TMEM248: variants seen among roughly 807,000 people sequenced by gnomAD.
TMEM248 encodes the protein UPF0458 protein C7orf42.
TMEM248 carries 9 observed loss-of-function variants against 30.3 expected under a neutral mutation model. The ratio of observed to expected loss-of-function variants is 0.30; its 90% confidence interval spans 0.18 to 0.52. The LOEUF is 0.52. Ranked by LOEUF, TMEM248 falls within the 20% of genes least tolerant of loss-of-function variation. The pLI is 0.97. For missense variants in TMEM248, 338 were observed against 403.3 expected, an observed-to-expected ratio of 0.84 and a Z score of 1.39; for synonymous variants, 184 against 154.4, an observed-to-expected ratio of 1.19 and a Z score of -1.42.
At chr7:66,954,076 T>C (rs1324176114) in intron 6 of TMEM248, among the ~76,000 whole-genome samples, 3 of 151,266 alleles carry the variant, frequency 2.0e-5, no homozygotes, top group Non-Finnish European at 4.4e-5. Flanking sequence ...CGAGAGTAGC[T>C]GGGATTACAG....
At position 66,945,276 on chromosome 7, in the gene TMEM248, C is replaced by G. The variant is rs201683663; in HGVS notation, c.445+15C>G. The G allele has an allele frequency of 2.0e-4, 315 of 1,607,930 alleles. 2 individuals carry two copies. Among genetic ancestry groups the G allele is most frequent in the Non-Finnish European group, 3.4e-5 (40 of 1,175,000 alleles). On this transcript the variant is annotated intron_variant, in intron 3 of 6. Transcript: ENST00000341567. ...TGGACTTTCAGGTATGCAGTAGCCACTCTCCACTCAGGCTCCTTAGGCAAC... is the reference window on the plus strand; with the variant it reads ...TGGACTTTCAGGTATGCAGTAGCCAGTCTCCACTCAGGCTCCTTAGGCAAC...
At chr7:66,927,631 T>G (rs981018195) in intron 1 of TMEM248, among the ~76,000 whole-genome samples, 1 of 148,190 alleles carries the variant, frequency 6.7e-6, no homozygotes, top group Non-Finnish European at 1.5e-5. Context: ...TTTGTTTTTT[T>G]TTTTTTTTAG....
At chr7:66,941,074 ACC>A (rs1159829610) in intron 1 of TMEM248, among the ~76,000 whole-genome samples, 5 of 151,922 alleles carry the variant, frequency 3.3e-5, no homozygotes, top group Non-Finnish European at 7.4e-5. Context: ...ACATAGCGAG[ACC>A]CCATCTCTTA....
chr7:66,943,795 C>CT (rs200837017), intron 2 of TMEM248, among the ~76,000 whole-genome samples: 19,111 of 144,760 alleles, frequency 0.13, 1,608 homozygotes, highest in South Asian at 0.2. Flanking sequence ...GCTCAGATGA[C>CT]TTTTTTTTTT....
chr7:66,949,346 G>T (rs146873106), intron 4 of TMEM248, among the ~76,000 whole-genome samples: 1 of 152,140 alleles, frequency 6.6e-6, no homozygotes, highest in East Asian at 1.9e-4. Context: ...AATTAGCCAG[G>T]CATGATGGCA....
At chr7:66,926,459 A>C (rs1049625878) in intron 1 of TMEM248, among the ~76,000 whole-genome samples, 5 of 152,116 alleles carry the variant, frequency 3.3e-5, no homozygotes, top group Non-Finnish European at 7.3e-5. Context: ...GTCTCTACTA[A>C]AAGTACAAGA....
At chr7:66,924,556 C>G (rs928563188) in intron 1 of TMEM248, among the ~76,000 whole-genome samples, 2 of 152,206 alleles carry the variant, frequency 1.3e-5, no homozygotes, top group African/African-American at 4.8e-5. Flanking sequence ...AGATGCCCGC[C>G]ACCATGCCTG....
Position 66,958,100 on chromosome 7 carries a change from C to T in TMEM248, c.*2578C>T, listed in dbSNP as rs1249208696. ...GAGTTTGCTGGTGGACCTCAGGATT[C>T]GAAGTGTGCAACAGACGGAGTGCGC... On this transcript the variant is annotated 3_prime_UTR_variant, in exon 7 of 7. Coordinates refer to ENST00000341567, the MANE Select transcript of TMEM248 (RefSeq NM_017994.5). The T allele has an allele frequency of 6.6e-6, 1 of 152,638 alleles. No individual in the cohort carries two copies. Among genetic ancestry groups the T allele is most frequent in the Admixed American group, 6.5e-5 (1 of 15,280 alleles). 9.5% of individuals were successfully genotyped at this position (152,638 alleles called of 1,614,324 possible). A position where few individuals can be genotyped will look rare whatever the true frequency, so the allele number is the denominator to read the frequency against.
intron 3 of TMEM248, among the ~76,000 whole-genome samples, chr7:66,946,123 A>T (rs889803526): frequency 6.8e-6 from 1 of 147,140 alleles, no homozygotes; most frequent in Non-Finnish European, 1.5e-5. Context: ...GCATGCAGGC[A>T]TGGTGGTGCG....
At chr7:66,923,763 C>T (rs1791450935) in intron 1 of TMEM248, among the ~76,000 whole-genome samples, 1 of 152,124 alleles carries the variant, frequency 6.6e-6, no homozygotes, top group Admixed American at 6.6e-5. Context: ...CCTCTGCCTT[C>T]TGGGTTCAAG....
intron 1 of TMEM248, among the ~76,000 whole-genome samples, chr7:66,930,448 C>T (rs563128214): frequency 1.3e-5 from 2 of 152,138 alleles, no homozygotes; most frequent in East Asian, 1.9e-4. Context: ...TTAAGAAAAC[C>T]CGGAGTGGAA....
At chr7:66,938,557 G>A (rs1791863283) in intron 1 of TMEM248, among the ~76,000 whole-genome samples, 1 of 152,150 alleles carries the variant, frequency 6.6e-6, no homozygotes, top group South Asian at 2.1e-4. Flanking sequence ...CGTCGAAGCT[G>A]AAGTGCAGTG....
At chr7:66,928,962 ATTC>A (rs1791594944) in intron 1 of TMEM248, among the ~76,000 whole-genome samples, 1 of 151,862 alleles carries the variant, frequency 6.6e-6, no homozygotes, top group African/African-American at 2.4e-5. Flanking sequence ...TAAATTTTGT[ATTC>A]TTTGTAGACA....
chr7:66,926,489 A>G (rs1003063664), intron 1 of TMEM248, among the ~76,000 whole-genome samples: 9 of 152,060 alleles, frequency 5.9e-5, no homozygotes, highest in African/African-American at 2.2e-4. Flanking sequence ...GCGTGGTGGC[A>G]CATGGTTGTA....
At chr7:66,922,644 T>A (rs946908332) in intron 1 of TMEM248, among the ~76,000 whole-genome samples, 1 of 152,134 alleles carries the variant, frequency 6.6e-6, no homozygotes. Flanking sequence ...AAAGGCTAGT[T>A]AACTGGCACC....
intron 1 of TMEM248, among the ~76,000 whole-genome samples, chr7:66,928,588 A>G (rs1791583935): frequency 6.6e-6 from 1 of 152,162 alleles, no homozygotes; most frequent in East Asian, 1.9e-4. Flanking sequence ...GTGCCTGGGA[A>G]TGGCATGTTC....
chr7:66,947,699 G>C (rs557241017), intron 3 of TMEM248, among the ~76,000 whole-genome samples: 1 of 151,122 alleles, frequency 6.6e-6, no homozygotes, highest in Non-Finnish European at 1.5e-5. Flanking sequence ...ACCACGCTTG[G>C]CTATTTTTTA....
At chr7:66,925,795 C>T (rs563322767) in intron 1 of TMEM248, among the ~76,000 whole-genome samples, 2 of 151,678 alleles carry the variant, frequency 1.3e-5, no homozygotes, top group South Asian at 4.2e-4. Context: ...GTGCACGCCA[C>T]CACGCCACGC....
chr7:66,942,299 C>T (rs558661186), intron 2 of TMEM248, among the ~76,000 whole-genome samples: 6 of 152,298 alleles, frequency 3.9e-5, no homozygotes, highest in Non-Finnish European at 8.8e-5. Context: ...GTAAAATGAT[C>T]TGTGTCAAAA....
Sources: allele counts gnomAD v4.1 joint callset (sites outside exome capture counted in the v4.1 genomes callset), GRCh38; gene constraint gnomAD v4.1.1; transcripts MANE v1.5; gene names NCBI Gene and HGNC (gene_info 2026-07-23, HGNC 2026-07-21).